KCTD13: variants seen among roughly 807,000 people sequenced by gnomAD.
KCTD13 encodes the protein BTB/POZ domain-containing adapter for CUL3-mediated RhoA degradation protein 1.
Under a neutral mutation model 32.3 loss-of-function variants are expected in KCTD13, and 15 were observed. That is an observed-to-expected ratio of 0.46 (90% CI 0.31 to 0.71). KCTD13 has a LOEUF of 0.71. KCTD13 is among the 30% of genes least tolerant of loss of function. KCTD13 has a pLI of 0.05. For synonymous variants in KCTD13, 189 were observed against 200.1 expected (o/e 0.94, Z 0.47); for missense variants, 337 against 452.6 (o/e 0.74, Z 2.32).
intron 2 of KCTD13, chr16:29,922,784 T>A (rs1029020003): frequency 5.1e-6 from 2 of 393,048 alleles, no homozygotes; most frequent in African/African-American, 4.1e-5. Context: ...CCTCCCAGGA[T>A]AGGGCCAGAT....
chr16:29,925,665 G>A lies in KCTD13; in HGVS notation c.244+125C>T, dbSNP rs2068982048. On this transcript the variant is annotated intron_variant, in intron 1 of 5. Coordinates refer to ENST00000568000, the MANE Select transcript of KCTD13 (RefSeq NM_178863.5). ...TGGGATGTGGGGGCTGGAGGGAGCT[G>A]AGAATGAGTTGACTGGACAGTAGCG... The A allele has an allele frequency of 5.4e-6, 5 of 918,234 alleles. No homozygotes were observed. In the East Asian group the frequency reaches 1.3e-4, roughly 24 times the overall value. 56.9% of individuals were successfully genotyped at this position (918,234 alleles called of 1,614,324 possible).
chr16:29,924,909 G>A lies in KCTD13; in HGVS notation c.244+881C>T, dbSNP rs550789483. On this transcript the variant is annotated intron_variant, in intron 1 of 5. Coordinates refer to ENST00000568000, the MANE Select transcript of KCTD13 (RefSeq NM_178863.5). ...ATTTTTGTATTTTTAGTAGAGACGG[G>A]GTTTCGCCATATTGGTCAGGCTGGT... Among the ~76,000 whole-genome samples the A allele has an allele frequency of 9.9e-4, 151 of 152,066 alleles. 1 individual carries two copies. The highest frequency in any genetic ancestry group is 3.5e-3 in the African/African-American group (146 of 41,490).
At chr16:29,922,766 G>A (rs997585935) in intron 2 of KCTD13, 2 of 390,624 alleles carry the variant, frequency 5.1e-6, no homozygotes, top group African/African-American at 4.1e-5. Flanking sequence ...AGCCATGGGA[G>A]AATGCTGCCT....
chr16:29,919,288 G>C (rs1163232934), intron 2 of KCTD13, among the ~76,000 whole-genome samples: 3 of 152,056 alleles, frequency 2.0e-5, no homozygotes, highest in East Asian at 1.9e-4. Context: ...ATAAAGTAAT[G>C]CTTATGGTAT....
chr16:29,925,800 G>C lies in KCTD13; in HGVS notation c.234C>G (p.Thr78=). The change falls in exon 1 of 6, where the codon ACC becomes ACG. Residue 78 remains threonine, a synonymous_variant. Coordinates refer to ENST00000568000, the MANE Select transcript of KCTD13 (RefSeq NM_178863.5). The part of the protein sequence containing the change: ...AMFSGRVEVL[T]DAGGWVLIDR... ...GGGCGCCGCTCGTACCTCCGGCATCGGTCAGCACCTCCACGCGGCCGCTGA... is the reference window on the plus strand; with the variant it reads ...GGGCGCCGCTCGTACCTCCGGCATCCGTCAGCACCTCCACGCGGCCGCTGA... 1 of 1,613,726 alleles carries C rather than the reference G, an allele frequency of 6.2e-7. No homozygotes were observed. The highest frequency in any genetic ancestry group is 8.5e-7 in the Non-Finnish European group (1 of 1,179,944).
rs1009944261 is a variant in KCTD13 at position 29,926,008 on chromosome 16, G to A, written c.26C>T (p.Ala9Val). 1 of 1,574,628 alleles carries A rather than the reference G, an allele frequency of 6.4e-7. No homozygotes were observed. The highest frequency in any genetic ancestry group is 8.6e-7 in the Non-Finnish European group (1 of 1,163,256). Residue 9 changes from alanine to valine, a missense_variant, in exon 1 of 6, where the codon GCT becomes GTT. Physicochemically the swap from Ala to Val is moderately conservative, Grantham distance 64. Transcript: ENST00000568000. ...TTCCAGGGACGGGGCCGCGGCGGCA[G>A]CCGGGCCCGAGGCCTCCGCCGACAT... MSAEASGP[A>V]AAAAPSLEAP...
intron 5 of KCTD13, among the ~76,000 whole-genome samples, chr16:29,909,224 C>T (rs2068664066): frequency 6.6e-6 from 1 of 152,134 alleles, no homozygotes; most frequent in Non-Finnish European, 1.5e-5. Flanking sequence ...CTGTCTTTAG[C>T]TATGAAGGGA....
In KCTD13 at chr16:29,911,186, G is replaced by A; in HGVS notation, c.558-13C>T. The A allele has an allele frequency of 2.5e-6, 4 of 1,611,510 alleles. No individual in the cohort carries two copies. Among genetic ancestry groups the A allele is most frequent in the Non-Finnish European group, 3.4e-6 (4 of 1,178,020 alleles). The stretch of plus-strand genomic sequence containing the variant: ...GTCATCTGAAGTGCTGGGGACCAGG[G>A]GACCAGGAGGCCTCAGCGCAGTTGG... On this transcript the variant is annotated splice_polypyrimidine_tract_variant and intron_variant, in intron 4 of 5. Transcript: ENST00000568000.
intron 2 of KCTD13, chr16:29,914,597 C>G (rs754756920): frequency 6.6e-6 from 1 of 152,018 alleles, no homozygotes; most frequent in Non-Finnish European, 1.5e-5. Context: ...CACCACCATC[C>G]CAGCTAATTT....
chr16:29,925,662 G>T, intron 1 of KCTD13, 128 bp downstream of exon 1: 2 of 874,162 alleles, frequency 2.3e-6, no homozygotes, highest in East Asian at 2.7e-5. Flanking sequence ...GCTGGAGGGA[G>T]CTGAGAATGA....
In KCTD13 at chr16:29,925,989, G is replaced by T; in HGVS notation, c.45C>A (p.Ser15=). 1 of 1,599,498 alleles carries T rather than the reference G, an allele frequency of 6.3e-7. No homozygotes were observed. Among genetic ancestry groups the T allele is most frequent in the Non-Finnish European group, 8.5e-7 (1 of 1,173,060 alleles). ...ASGPAAAAAP[S]LEAPKPSGLE... ...GACCCGAGGGCTTGGGGGCTTCCAG[G>T]GACGGGGCCGCGGCGGCAGCCGGGC... The change falls in exon 1 of 6, where the codon TCC becomes TCA. Residue 15 remains serine (S), a synonymous_variant. Transcript: ENST00000568000.
At chr16:29,910,918 T>C (rs188061505) in intron 5 of KCTD13, 60 bp downstream of exon 5, 349 of 1,508,474 alleles carry the variant, frequency 2.3e-4, no homozygotes, top group Non-Finnish European at 3.1e-4. Flanking sequence ...CCTGCTTTTG[T>C]CCAGGGTCCT....
At chr16:29,911,697 C>A (rs1241676697) in intron 4 of KCTD13, 118 bp downstream of exon 4, 2 of 1,077,656 alleles carry the variant, frequency 1.9e-6, no homozygotes, top group Admixed American at 2.2e-5. Flanking sequence ...GCCGAATCTG[C>A]GAGCAGGCAC....
chr16:29,920,817 G>A (rs1268298990), intron 2 of KCTD13: 2 of 152,156 alleles, frequency 1.3e-5, no homozygotes, highest in Non-Finnish European at 2.9e-5. Context: ...AACCATTCGG[G>A]AGAGCAATTA....
At chr16:29,907,212 T>A in intron 5 of KCTD13, 104 bp from the exon 6 acceptor site, 1 of 777,166 alleles carries the variant, frequency 1.3e-6, no homozygotes. Context: ...AGCCCTGCAG[T>A]CAGGTCCTTG....
At chr16:29,911,703 G>A in intron 4 of KCTD13, 112 bp downstream of exon 4, 1 of 1,151,444 alleles carries the variant, frequency 8.7e-7, no homozygotes, top group Non-Finnish European at 1.3e-6. Flanking sequence ...TCTGCGAGCA[G>A]GCACAGATGT....
chr16:29,912,706 C>T (rs1172477666), intron 2 of KCTD13, among the ~76,000 whole-genome samples: 2 of 152,258 alleles, frequency 1.3e-5, no homozygotes, highest in East Asian at 1.9e-4. Context: ...TCCCAAAGTG[C>T]TGGGATTACA....
At chr16:29,918,420 A>G (rs2068847760) in intron 2 of KCTD13, among the ~76,000 whole-genome samples, 1 of 152,340 alleles carries the variant, frequency 6.6e-6, no homozygotes, top group South Asian at 2.1e-4. Flanking sequence ...AATATTACCT[A>G]AAATGTATTC....
chr16:29,911,966 G>A lies in KCTD13; in HGVS notation c.498C>T (p.Thr166=), dbSNP rs2068721259. The change falls in exon 3 of 6, where the codon ACC becomes ACT. Residue 166 remains threonine (T), a synonymous_variant. Coordinates refer to ENST00000568000, the MANE Select transcript of KCTD13 (RefSeq NM_178863.5). ...PREEQQLLAS[T]SKPVVKLLHN... The stretch of plus-strand genomic sequence containing the variant: ...CAGGGCTTGGGGGCCTCACCTTGGA[G>A]GTGCTGGCCAGGAGCTGCTGCTCCT... The A allele has an allele frequency of 3.1e-6, 5 of 1,611,324 alleles. No individual in the cohort carries two copies. Among genetic ancestry groups the A allele is most frequent in the Admixed American group, 1.7e-5 (1 of 59,022 alleles).
Sources: gnomAD v4.1 joint callset for allele counts (sites outside exome capture counted in the v4.1 genomes callset) on GRCh38, gnomAD v4.1.1 for gene constraint, MANE v1.5 for transcripts, NCBI Gene and HGNC (gene_info 2026-07-23, HGNC 2026-07-21) for gene names.